WFDC1: variants seen among roughly 807,000 people sequenced by gnomAD.
The protein encoded by WFDC1 is WAP four-disulfide core domain 1, also known as WAP four-disulfide core domain protein 1.
A neutral mutation model predicts 32.9 loss-of-function variants in WFDC1; 39 were observed. The ratio of observed to expected loss-of-function variants is 1.19; its 90% CI spans 0.92 to 1.55. The LOEUF is 1.55. Among genes scored for constraint, WFDC1 ranks in the 40% most tolerant of loss-of-function variants. WFDC1 has a pLI of 0.00. For synonymous variants in WFDC1, 184 were observed against 137.4 expected (o/e 1.34, Z -2.37); for missense variants, 386 against 309.5 (o/e 1.25, Z -1.85).
At chr16:84,319,604 C>T (rs775568096) in intron 4 of WFDC1, 33 bp downstream of exon 4, 2 of 1,605,620 alleles carry the variant, frequency 1.2e-6, no homozygotes, top group Non-Finnish European at 1.7e-6. Context: ...GATCCTGGCT[C>T]CTGCCCCAGT....
intron 1 of WFDC1, among the ~76,000 whole-genome samples, chr16:84,307,957 T>G (rs1907364001): frequency 6.6e-6 from 1 of 152,188 alleles, no homozygotes; most frequent in South Asian, 2.1e-4. Context: ...AGGTCCACGC[T>G]CTGGTCTCCC....
chr16:84,296,658 G>A (rs1277561271), intron 1 of WFDC1, among the ~76,000 whole-genome samples: 3 of 152,202 alleles, frequency 2.0e-5, no homozygotes, highest in Admixed American at 6.5e-5. Context: ...CGGGAGACAG[G>A]AGGACTTCGA....
At chr16:84,298,462 C>T (rs1439701806) in intron 1 of WFDC1, among the ~76,000 whole-genome samples, 1 of 152,214 alleles carries the variant, frequency 6.6e-6, no homozygotes, top group African/African-American at 2.4e-5. Flanking sequence ...ATTCTCTTGG[C>T]TCCTGGGGTT....
intron 1 of WFDC1, among the ~76,000 whole-genome samples, chr16:84,301,035 G>T (rs1300553830): frequency 6.6e-6 from 1 of 152,004 alleles, no homozygotes; most frequent in Non-Finnish European, 1.5e-5. Context: ...AGAAGGCCAT[G>T]CAAAGACAGA....
At chr16:84,298,617 GA>G (rs1311859733) in intron 1 of WFDC1, among the ~76,000 whole-genome samples, 1 of 152,230 alleles carries the variant, frequency 6.6e-6, no homozygotes, top group African/African-American at 2.4e-5. Flanking sequence ...AGGGCTACAT[GA>G]GGAGAGCTGG....
chr16:84,310,583 C>G (rs1434672660), intron 1 of WFDC1, among the ~76,000 whole-genome samples: 1 of 152,206 alleles, frequency 6.6e-6, no homozygotes, highest in Non-Finnish European at 1.5e-5. Flanking sequence ...CCCTATTCTT[C>G]TCTCCAAAGG....
intron 1 of WFDC1, among the ~76,000 whole-genome samples, chr16:84,304,332 G>T (rs1387235434): frequency 1.3e-5 from 2 of 152,118 alleles, no homozygotes; most frequent in African/African-American, 4.8e-5. Flanking sequence ...TGGTTCAAAT[G>T]ATTCTCCTGC....
chr16:84,318,922 GTGTGTGT>G, intron 3 of WFDC1: 1 of 194,826 alleles, frequency 5.1e-6, no homozygotes, highest in African/African-American at 2.3e-5. Context: ...GTGTGTGTGT[GTGTGTGT>G]GTGTGTGTGT....
At chr16:84,318,871 T>G (rs1419316460) in intron 3 of WFDC1, 2 of 205,056 alleles carry the variant, frequency 9.8e-6, no homozygotes, top group Non-Finnish European at 2.0e-5. Flanking sequence ...CGGCCGTATA[T>G]GCAACTGTGT....
intron 1 of WFDC1, among the ~76,000 whole-genome samples, chr16:84,296,012 C>CACATTAGTATT (rs1906575350): frequency 6.6e-6 from 1 of 152,036 alleles, no homozygotes; most frequent in Non-Finnish European, 1.5e-5. Context: ...ATTGCAAGTG[C>CACATTAGTATT]TGAGGAAGCA....
At chr16:84,321,922 G>A (rs1200126419) in intron 4 of WFDC1, among the ~76,000 whole-genome samples, 2 of 152,176 alleles carry the variant, frequency 1.3e-5, no homozygotes, top group Non-Finnish European at 1.5e-5. Flanking sequence ...TAGAGATGGC[G>A]ATGGTAACCA....
chr16:84,317,229 G>A (rs1340848993), intron 2 of WFDC1: 1 of 152,010 alleles, frequency 6.6e-6, no homozygotes, highest in Non-Finnish European at 1.5e-5. Context: ...GGAGGCAGAG[G>A]TTGCAATGAG....
At chr16:84,325,777 T>C (rs1353127052) in intron 5 of WFDC1, 1 of 152,144 alleles carries the variant, frequency 6.6e-6, no homozygotes, top group Non-Finnish European at 1.5e-5. Context: ...TATTATTTTA[T>C]CCACCCTTCT....
chr16:84,303,037 T>TA (rs71148899), intron 1 of WFDC1, among the ~76,000 whole-genome samples: 1 of 138,218 alleles, frequency 7.2e-6, no homozygotes, highest in Non-Finnish European at 1.6e-5. Context: ...TTTTTTTTTT[T>TA]GGCCTCCCTC....
chr16:84,313,142 C>A lies in WFDC1; in HGVS notation c.326C>A (p.Pro109Gln), dbSNP rs1907744848. The change falls in exon 2 of 7, where the codon CCG becomes CAG. Residue 109 changes from proline to glutamine, a missense_variant. Coordinates refer to ENST00000219454, the MANE Select transcript of WFDC1 (RefSeq NM_021197.4). ...GCCTACGCCTGCCTAGAAGCTGTGC[C>A]GCCCCCGCCAGGTAGGTCCTGGGCC... ...GCAYACLEAVPPPPVLDWLVQ... is the reference protein window; with the variant it reads ...GCAYACLEAVQPPPVLDWLVQ... 7.0e-7 allele frequency: 1 copy of A among 1,433,136 alleles called. No individual in the cohort carries two copies. 88.8% of individuals were successfully genotyped at this position (1,433,136 alleles called of 1,614,324 possible). A position where few individuals can be genotyped will look rare whatever the true frequency, so the allele number is the denominator to read the frequency against.
At chr16:84,307,487 A>G (rs1597670605) in intron 1 of WFDC1, among the ~76,000 whole-genome samples, 2 of 152,220 alleles carry the variant, frequency 1.3e-5, no homozygotes, top group South Asian at 4.1e-4. Flanking sequence ...GTTCTCTCCA[A>G]ATTCTGAGAA....
chr16:84,319,677 C>T, intron 4 of WFDC1, 106 bp downstream of exon 4: 2 of 1,443,348 alleles, frequency 1.4e-6, no homozygotes, highest in Non-Finnish European at 1.9e-6. Flanking sequence ...GCAGCCCCAG[C>T]ACCTGGGCCT....
chr16:84,320,561 G>A (rs774335410), intron 4 of WFDC1, among the ~76,000 whole-genome samples: 2 of 152,214 alleles, frequency 1.3e-5, no homozygotes, highest in African/African-American at 2.4e-5. Context: ...GCGATTCCTG[G>A]TGGTATCTAA....
intron 5 of WFDC1, chr16:84,325,786 C>A (rs1296294956): frequency 6.6e-6 from 1 of 152,130 alleles, no homozygotes; most frequent in Admixed American, 6.5e-5. Flanking sequence ...ATCCACCCTT[C>A]TATTCCTTTA....
Sources: gnomAD v4.1 joint callset for allele counts (sites outside exome capture counted in the v4.1 genomes callset) on GRCh38, gnomAD v4.1.1 for gene constraint, MANE v1.5 for transcripts, NCBI Gene and HGNC (gene_info 2026-07-23, HGNC 2026-07-21) for gene names.